CCNL1: variants seen among roughly 807,000 people sequenced by gnomAD.
CCNL1 encodes the protein cyclin L1, also known as cyclin-L1.
Under a neutral mutation model 60.6 loss-of-function variants are expected in CCNL1, and 13 were observed. That is an observed-to-expected ratio of 0.21 (90% CI 0.14 to 0.34). The LOEUF is 0.34. CCNL1 is among the 10% of genes least tolerant of loss of function. CCNL1 has a pLI of 1.00. For synonymous variants in CCNL1, 270 were observed against 244.3 expected (o/e 1.10, Z -0.98); for missense variants, 481 against 664.3 (o/e 0.72, Z 3.03).
At chr3:157,150,538 A>G (rs988706175) in intron 5 of CCNL1, 157 bp from the exon 6 acceptor site, 2 of 1,377,998 alleles carry the variant, frequency 1.5e-6, no homozygotes, top group African/African-American at 2.9e-5. Flanking sequence ...ACTCAAAAAA[A>G]TCAGTAAGCA....
At chr3:157,144,501 T>C (rs1356450604), downstream of CCNL1, among the ~76,000 whole-genome samples, 3 of 152,254 alleles carry the variant, frequency 2.0e-5, no homozygotes, top group African/African-American at 7.2e-5. Flanking sequence ...ATGAAGTCCA[T>C]GTTCCTTCCA....
intron 2 of CCNL1, 131 bp downstream of exon 2, chr3:157,159,274 G>T: frequency 1.3e-6 from 1 of 780,734 alleles, no homozygotes; most frequent in Non-Finnish European, 2.1e-6. Flanking sequence ...CCACTTCCTG[G>T]CGAGTGAGAA....
chr3:157,159,109 G>A lies in CCNL1; in HGVS notation c.379-134C>T, dbSNP rs1738853005. 5 of 657,384 alleles carry A rather than the reference G, an allele frequency of 7.6e-6. No individual in the cohort carries two copies. The Admixed American group carries it at 1.1e-4, about 15-fold the overall frequency. 40.7% of individuals were successfully genotyped at this position (657,384 alleles called of 1,614,324 possible). ...TCTATGCCGTAAGTCTACCAGCTAT[G>A]CTAGTACTATACTTTTTGTTGTTTA... On this transcript the variant is annotated intron_variant, in intron 2 of 10. Transcript: ENST00000295926.
rs1344645459 is a variant in CCNL1, at chr3:157,159,992, T to C, written c.103A>G (p.Thr35Ala). ...SSSGTTTTTT[T>A]TTGGILIGDR... ...CCGATCAGGATCCCTCCCGTCGTGG[T>C]CGTCGTCGTGGTCGTCGTCCCGGAG... The change falls in exon 1 of 11, where the codon ACC becomes GCC. Residue 35 changes from threonine to alanine, a missense_variant. By Grantham distance (58) the Thr-to-Ala change is moderately conservative (BLOSUM62 0). Around this residue, in one of 5 missense-constraint regions of CCNL1, gnomAD observed 65 missense variants for 57.5 expected, o/e 1.13. Transcript: ENST00000295926. The C allele has an allele frequency of 6.3e-7, 1 of 1,580,244 alleles. No individual in the cohort carries two copies. The highest frequency in any genetic ancestry group is 8.6e-7 in the Non-Finnish European group (1 of 1,163,282).
Position 157,153,094 on chromosome 3 carries a change from G to C in CCNL1, c.551C>G (p.Ala184Gly). ...CAACTCCTTTAGCACCCTCCTCTCT[G>C]CTTTGATAACTTGATTTTTGGTGTT... The part of the protein sequence containing the change: ...YINTKNQVIK[A>G]ERRVLKELGF... Residue 184 changes from alanine (A) to glycine (G), a missense_variant, in exon 4 of 11, where the codon GCA becomes GGA. Transcript: ENST00000295926. 2.5e-6 allele frequency: 4 copies of C among 1,613,586 alleles called. No homozygotes were observed. Among genetic ancestry groups the C allele is most frequent in the Non-Finnish European group, 3.4e-6 (4 of 1,179,672 alleles).
downstream of CCNL1, among the ~76,000 whole-genome samples, chr3:157,147,229 CTG>C (rs1737814410): frequency 6.6e-6 from 1 of 152,164 alleles, no homozygotes; most frequent in Non-Finnish European, 1.5e-5. Flanking sequence ...CATTTTGACT[CTG>C]TAAACTGATT....
chr3:157,146,122 G>A (rs1379866363), downstream of CCNL1, among the ~76,000 whole-genome samples: 2 of 152,184 alleles, frequency 1.3e-5, no homozygotes, highest in Admixed American at 6.5e-5. Context: ...AGGGTGGGAG[G>A]TGGAGTGGTG....
intron 3 of CCNL1, chr3:157,156,913 T>C: frequency 7.8e-7 from 1 of 1,287,064 alleles, no homozygotes. Flanking sequence ...GGAGTTTTTC[T>C]AAATGGTTCA....
intron 5 of CCNL1, 51 bp downstream of exon 5, chr3:157,152,126 T>C (rs752212424): frequency 1.9e-6 from 3 of 1,591,498 alleles, no homozygotes; most frequent in Non-Finnish European, 2.6e-6. Context: ...ACTTACTTTA[T>C]TTCTGCTTCT....
chr3:157,146,295 C>G (rs1402048578), downstream of CCNL1, among the ~76,000 whole-genome samples: 1 of 152,114 alleles, frequency 6.6e-6, no homozygotes, highest in Non-Finnish European at 1.5e-5. Flanking sequence ...ATCCTGACAA[C>G]TTAGAAAACG....
chr3:157,159,731 C>T (rs917307349), intron 1 of CCNL1, 61 bp downstream of exon 1: 2 of 1,365,772 alleles, frequency 1.5e-6, no homozygotes, highest in South Asian at 1.4e-5. Flanking sequence ...TACTGAGATG[C>T]GGCGTAGGGG....
chr3:157,152,531 T>G (rs982139465), intron 4 of CCNL1: 4 of 1,102,364 alleles, frequency 3.6e-6, no homozygotes, highest in Non-Finnish European at 4.4e-6. Flanking sequence ...TTATTTCACC[T>G]AATTTCCCAA....
chr3:157,159,323 G>T, intron 2 of CCNL1, 82 bp downstream of exon 2: 1 of 1,322,370 alleles, frequency 7.6e-7, no homozygotes, highest in Non-Finnish European at 1.1e-6. Context: ...TCCCTTTCTG[G>T]AAAAGCTGGC....
intron 1 of CCNL1, 46 bp downstream of exon 1, chr3:157,159,746 A>C: frequency 1.4e-6 from 2 of 1,434,776 alleles, no homozygotes; most frequent in Non-Finnish European, 1.9e-6. Flanking sequence ...TAGGGGACGG[A>C]GGAGAGGAGA....
intron 10 of CCNL1, 86 bp downstream of exon 10, chr3:157,149,201 A>C: frequency 9.0e-7 from 1 of 1,108,490 alleles, no homozygotes; most frequent in Non-Finnish European, 1.3e-6. Context: ...AACTTTGAAA[A>C]TAATCTATGT....
intron 5 of CCNL1, chr3:157,151,398 C>A: frequency 5.1e-6 from 5 of 985,858 alleles, no homozygotes; most frequent in Non-Finnish European, 6.0e-6. Context: ...ATCTGCATCT[C>A]AAGAAGTCCA....
intron 3 of CCNL1, among the ~76,000 whole-genome samples, chr3:157,155,675 A>C (rs1738562975): frequency 6.6e-6 from 1 of 152,178 alleles, no homozygotes. Context: ...AAATTTAAAA[A>C]ATATATCTCC....
intron 10 of CCNL1, 160 bp downstream of exon 10, chr3:157,149,127 G>T (rs567935500): frequency 1.6e-6 from 1 of 619,900 alleles, no homozygotes. Context: ...GATACTGTAT[G>T]TCCAGAACAT....
At chr3:157,153,394 A>C (rs1345085587) in intron 3 of CCNL1, 1 of 368,812 alleles carries the variant, frequency 2.7e-6, no homozygotes, top group South Asian at 3.7e-5. Flanking sequence ...AATTCACTCT[A>C]ATGTTCTTGA....
Sources: allele counts gnomAD v4.1 joint callset (sites outside exome capture counted in the v4.1 genomes callset), GRCh38; gene constraint gnomAD v4.1.1; regional missense constraint gnomAD v4.1.1; transcripts MANE v1.5; gene names NCBI Gene and HGNC (gene_info 2026-07-23, HGNC 2026-07-21).